Variants in SYNE2 observed in about 807,000 individuals in gnomAD.
The protein encoded by SYNE2 is spectrin repeat containing nuclear envelope protein 2, also known as nesprin-2.
In SYNE2, 431 loss-of-function variants were observed where a neutral mutation model predicts 856.3. The observed-to-expected ratio is 0.50, with a 90% confidence interval of 0.47 to 0.55. SYNE2 has a LOEUF of 0.55. SYNE2 is among the 20% of genes least tolerant of loss of function. The pLI is 0.00. For missense variants in SYNE2, 8,129 were observed against 8,023.2 expected (o/e 1.01, Z -0.50); for synonymous variants, 2,923 against 2,872.3 (o/e 1.02, Z -0.56).
At chr14:63,923,056 G>T (rs2153381652) in intron 2 of SYNE2, among the ~76,000 whole-genome samples, 1 of 152,276 alleles carries the variant, frequency 6.6e-6, no homozygotes, top group South Asian at 2.1e-4. Flanking sequence ...GTAGTTAAAA[G>T]GTAGCAAGGA....
At chr14:63,863,383 G>A (rs780206807) in intron 1 of SYNE2, among the ~76,000 whole-genome samples, 3 of 152,118 alleles carry the variant, frequency 2.0e-5, no homozygotes, top group Admixed American at 6.5e-5. Flanking sequence ...TGGAGGACAA[G>A]TTGTAGTATC....
At chr14:64,044,140 A>G (rs758032432) in intron 45 of SYNE2, among the ~76,000 whole-genome samples, 19 of 152,224 alleles carry the variant, frequency 1.2e-4, no homozygotes, top group South Asian at 1.2e-3. Context: ...GGGAGGCTGT[A>G]CCCTGCAAAG....
chr14:64,162,700 C>T (rs941806878), intron 88 of SYNE2: 22 of 282,988 alleles, frequency 7.8e-5, no homozygotes, highest in Non-Finnish European at 3.4e-5. Context: ...TTTCAGACTA[C>T]ATTAAAGACT....
In SYNE2 at chr14:64,226,187, T is replaced by TAAAAAAA. The variant is rs2098717500; in HGVS notation, c.*661_*662insAAAAAAA. On this transcript the variant is annotated 3_prime_UTR_variant, in exon 116 of 116. Coordinates refer to ENST00000555002, the MANE Select transcript of SYNE2 (RefSeq NM_182914.3). ...GAATAATGTAAACTTCGATTTTTTT[T>TAAAAAAA]TAAAAAAATTAGATTTTAGCTGGAG... is the stretch of plus-strand genomic sequence containing the variant. 1 of 152,736 alleles carries TAAAAAAA rather than the reference T, an allele frequency of 6.5e-6. No homozygotes were observed. Among genetic ancestry groups the TAAAAAAA allele is most frequent in the Non-Finnish European group, 1.5e-5 (1 of 68,118 alleles). 9.5% of individuals were successfully genotyped at this position (152,736 alleles called of 1,614,324 possible).
At chr14:63,889,047 A>C (rs1414146754) in intron 1 of SYNE2, among the ~76,000 whole-genome samples, 1 of 22,400 alleles carries the variant, frequency 4.5e-5, no homozygotes, top group East Asian at 7.7e-4. Context: ...ACTAAAATAC[A>C]AAAAAAAAAA....
upstream of SYNE2, among the ~76,000 whole-genome samples, chr14:63,849,773 T>C (rs939128659): frequency 6.6e-6 from 1 of 152,170 alleles, no homozygotes; most frequent in African/African-American, 2.4e-5. Context: ...ATTTCTTTAA[T>C]GGCATGAGGA....
chr14:64,101,481 T>G (rs1367667538), intron 63 of SYNE2, among the ~76,000 whole-genome samples: 1 of 152,190 alleles, frequency 6.6e-6, no homozygotes, highest in Non-Finnish European at 1.5e-5. Flanking sequence ...AGATGGGATC[T>G]CACTCTGTTG....
At chr14:64,020,218 T>A in intron 35 of SYNE2, 125 bp downstream of exon 35, 1 of 700,468 alleles carries the variant, frequency 1.4e-6, no homozygotes, top group Non-Finnish European at 2.5e-6. Context: ...ACGGCCCAAT[T>A]AAAGATTCTC....
chr14:64,181,425 A>G (rs2098457599), intron 96 of SYNE2, among the ~76,000 whole-genome samples: 1 of 152,210 alleles, frequency 6.6e-6, no homozygotes, highest in Non-Finnish European at 1.5e-5. Context: ...TGTGCAGAAC[A>G]TGAAATGTAA....
intron 44 of SYNE2, among the ~76,000 whole-genome samples, chr14:64,030,285 T>C (rs2153544395): frequency 6.6e-6 from 1 of 152,338 alleles, no homozygotes; most frequent in East Asian, 1.9e-4. Flanking sequence ...GGGACAGTTT[T>C]ACCCACTAGA....
rs773430274 is a variant in SYNE2, at chr14:64,209,960, C to A, written c.18559C>A (p.His6187Asn). The change falls in exon 103 of 116, where the codon CAT (histidine) becomes AAT (asparagine). Residue 6187 changes from histidine to asparagine, a missense_variant. Around this residue, in one of 3 missense-constraint regions of SYNE2, gnomAD observed 5,410 missense variants for 5,284.8 expected, o/e 1.02. Coordinates refer to ENST00000555002, the MANE Select transcript of SYNE2 (RefSeq NM_182914.3). Reference protein sequence around the residue: ...KRFEAFQRQIHERLTQLELIN... With the variant: ...KRFEAFQRQINERLTQLELIN... ...GATGCAGGCCTTTCAGCGGCAGATT[C>A]ATGAGCGGCTCACTCAGCTGGAGCT... 5 of 1,613,994 alleles carry A rather than the reference C, an allele frequency of 3.1e-6. No homozygotes were observed. The Admixed American group carries it at 6.7e-5, about 22-fold the overall frequency.
At chr14:64,209,893 G>A (rs141208225) in intron 102 of SYNE2, 49 bp from the exon 103 acceptor site, 100 of 1,612,392 alleles carry the variant, frequency 6.2e-5, no homozygotes, top group African/African-American at 4.7e-4. Context: ...GAAGGAGGGC[G>A]TCCTGGCACT....
intron 1 of SYNE2, among the ~76,000 whole-genome samples, chr14:63,828,380 C>T (rs1889543085): frequency 6.6e-6 from 1 of 152,044 alleles, no homozygotes; most frequent in South Asian, 2.1e-4. Context: ...TGGTTCACAC[C>T]TGTAATCCCA....
chr14:63,920,309 C>T (rs566507976), intron 2 of SYNE2, among the ~76,000 whole-genome samples: 1 of 151,488 alleles, frequency 6.6e-6, no homozygotes, highest in Admixed American at 6.6e-5. Flanking sequence ...GGAAGGCTCC[C>T]CAGAGAAAAT....
chr14:63,953,370 C>G (rs577805796), intron 7 of SYNE2, among the ~76,000 whole-genome samples: 55 of 152,110 alleles, frequency 3.6e-4, no homozygotes, highest in Non-Finnish European at 7.4e-4. Flanking sequence ...CTTTGAGAAA[C>G]AGGAACAAGG....
intron 2 of SYNE2, among the ~76,000 whole-genome samples, chr14:63,930,850 A>C (rs569773512): frequency 1.3e-5 from 2 of 152,146 alleles, no homozygotes; most frequent in African/African-American, 4.8e-5. Flanking sequence ...ACAAGCAAAC[A>C]TAAGTGTTTC....
At chr14:64,130,325 A>T (rs1323542303) in intron 76 of SYNE2, 77 bp downstream of exon 76, 2 of 1,272,900 alleles carry the variant, frequency 1.6e-6, no homozygotes, top group Non-Finnish European at 2.2e-6. Context: ...AACAGAAAGG[A>T]TCCATTTTTC....
intron 32 of SYNE2, among the ~76,000 whole-genome samples, chr14:64,013,448 A>C (rs1469348653): frequency 6.6e-6 from 1 of 151,864 alleles, no homozygotes; most frequent in Non-Finnish European, 1.5e-5. Context: ...CATTGTACCC[A>C]ATAGGTAAAT....
intron 1 of SYNE2, among the ~76,000 whole-genome samples, chr14:63,860,893 T>C (rs889104402): frequency 6.6e-6 from 1 of 152,122 alleles, no homozygotes; most frequent in Admixed American, 6.5e-5. Context: ...AGTGGAAACA[T>C]GAGCAGGGCA....
Sources: allele counts gnomAD v4.1 joint callset (sites outside exome capture counted in the v4.1 genomes callset), GRCh38; gene constraint gnomAD v4.1.1; regional missense constraint gnomAD v4.1.1; transcripts MANE v1.5; gene names NCBI Gene and HGNC (gene_info 2026-07-23, HGNC 2026-07-21).